The following FBXL17 variants were observed in gnomAD, a reference collection of about 807,000 sequenced individuals.
FBXL17 encodes the protein F-box and leucine rich repeat protein 17.
A neutral mutation model predicts 66.2 loss-of-function variants in FBXL17; 22 were observed. The ratio of observed to expected loss-of-function variants is 0.33; its 90% confidence interval spans 0.24 to 0.47. FBXL17 has a LOEUF of 0.47. Ranked by LOEUF, FBXL17 falls within the 20% of genes least tolerant of loss-of-function variation. The probability of loss-of-function intolerance (pLI) is 1.00; values close to 1 mark genes in which losing one functional copy is unlikely to be tolerated. For missense variants in FBXL17, 878 were observed against 948.2 expected (o/e 0.93, Z 0.97); for synonymous variants, 474 against 400.5 (o/e 1.18, Z -2.19).
chr5:107,862,399 A>G (rs1159986001), intron 8 of FBXL17, among the ~76,000 whole-genome samples: 1 of 152,158 alleles, frequency 6.6e-6, no homozygotes, highest in African/African-American at 2.4e-5. Context: ...TAAAACATAC[A>G]TGGCTGGCAG....
At chr5:108,265,441 A>T (rs1421057555) in intron 4 of FBXL17, among the ~76,000 whole-genome samples, 2 of 152,150 alleles carry the variant, frequency 1.3e-5, no homozygotes, top group East Asian at 3.9e-4. Context: ...ATAATATTAG[A>T]TCTAGACTAT....
intron 7 of FBXL17, among the ~76,000 whole-genome samples, chr5:107,889,532 T>C (rs1030887318): frequency 1.9e-4 from 29 of 152,308 alleles, no homozygotes; most frequent in Admixed American, 6.5e-4. Flanking sequence ...TTTATATAAC[T>C]CTGCTTACTG....
At chr5:108,276,426 T>C (rs879815271) in intron 4 of FBXL17, among the ~76,000 whole-genome samples, 7 of 152,180 alleles carry the variant, frequency 4.6e-5, no homozygotes, top group Admixed American at 6.5e-5. Flanking sequence ...TGATGACTTC[T>C]GTCAACATAG....
chr5:107,869,415 T>C (rs1748380262), intron 8 of FBXL17, among the ~76,000 whole-genome samples: 1 of 152,154 alleles, frequency 6.6e-6, no homozygotes, highest in Non-Finnish European at 1.5e-5. Flanking sequence ...GATGGGCACA[T>C]ATTAAAAAGG....
chr5:107,875,105 CTCT>C (rs1254121407), intron 8 of FBXL17, among the ~76,000 whole-genome samples: 2 of 142,548 alleles, frequency 1.4e-5, no homozygotes, highest in Non-Finnish European at 3.0e-5. Context: ...CTCTCTCTCT[CTCT>C]TTTTTTTTTT....
intron 7 of FBXL17, among the ~76,000 whole-genome samples, chr5:107,967,136 G>A (rs1752173480): frequency 6.6e-6 from 1 of 151,966 alleles, no homozygotes; most frequent in Non-Finnish European, 1.5e-5. Flanking sequence ...TATCATTATT[G>A]GAGTCCTTGT....
intron 6 of FBXL17, among the ~76,000 whole-genome samples, chr5:108,185,548 G>A (rs1276451300): frequency 6.6e-6 from 1 of 152,114 alleles, no homozygotes; most frequent in Non-Finnish European, 1.5e-5. Context: ...GTCTAAGGTA[G>A]TTCTTTATGG....
At chr5:107,923,879 T>C (rs1481076125) in intron 7 of FBXL17, among the ~76,000 whole-genome samples, 4 of 151,976 alleles carry the variant, frequency 2.6e-5, no homozygotes, top group African/African-American at 9.7e-5. Flanking sequence ...AATATGCTAA[T>C]GGAGGGTGTC....
At chr5:108,321,938 A>T (rs1759638717) in intron 4 of FBXL17, among the ~76,000 whole-genome samples, 1 of 151,960 alleles carries the variant, frequency 6.6e-6, no homozygotes, top group Non-Finnish European at 1.5e-5. Context: ...AACGGTTTTT[A>T]AACATACCAT....
chr5:108,011,446 ACT>A (rs766773846), intron 7 of FBXL17, among the ~76,000 whole-genome samples: 1 of 152,306 alleles, frequency 6.6e-6, no homozygotes, highest in Non-Finnish European at 1.5e-5. Flanking sequence ...ACAAAGCCAC[ACT>A]GAAGAGGGAT....
At chr5:107,976,487 T>C (rs1752586106) in intron 7 of FBXL17, among the ~76,000 whole-genome samples, 1 of 151,020 alleles carries the variant, frequency 6.6e-6, no homozygotes, top group African/African-American at 2.4e-5. Context: ...AGATAAGGAG[T>C]CATAAACACA....
intron 3 of FBXL17, among the ~76,000 whole-genome samples, chr5:108,357,680 T>C (rs1423807835): frequency 1.3e-5 from 2 of 151,394 alleles, no homozygotes; most frequent in Non-Finnish European, 3.0e-5. Context: ...TACAGGAAAA[T>C]GACGAAAATA....
At chr5:108,055,565 T>A (rs1465917346) in intron 6 of FBXL17, among the ~76,000 whole-genome samples, 1 of 129,414 alleles carries the variant, frequency 7.7e-6, no homozygotes, top group African/African-American at 2.9e-5. Flanking sequence ...GCCAAGATTG[T>A]GCCACTGCTC....
At chr5:108,243,154 A>G (rs1580679750) in intron 4 of FBXL17, among the ~76,000 whole-genome samples, 1 of 152,196 alleles carries the variant, frequency 6.6e-6, no homozygotes, top group African/African-American at 2.4e-5. Flanking sequence ...GTTATGTGTT[A>G]AAGTATTGTG....
chr5:107,895,591 C>G (rs1749351637), intron 7 of FBXL17, among the ~76,000 whole-genome samples: 1 of 152,172 alleles, frequency 6.6e-6, no homozygotes, highest in Admixed American at 6.5e-5. Context: ...CACTCCTGTT[C>G]TGTTGGTCTC....
chr5:108,321,153 A>C (rs1407850929), intron 4 of FBXL17, among the ~76,000 whole-genome samples: 2 of 151,868 alleles, frequency 1.3e-5, no homozygotes, highest in Non-Finnish European at 2.9e-5. Flanking sequence ...TACTACTATT[A>C]CCTATTATAT....
At chr5:108,112,245 C>T (rs973046858) in intron 6 of FBXL17, among the ~76,000 whole-genome samples, 2 of 152,170 alleles carry the variant, frequency 1.3e-5, no homozygotes, top group African/African-American at 4.8e-5. Flanking sequence ...AAGAAAACTA[C>T]TGAGGCCAGA....
chr5:108,121,998 T>G (rs746094844), intron 6 of FBXL17, among the ~76,000 whole-genome samples: 5 of 152,174 alleles, frequency 3.3e-5, no homozygotes, highest in African/African-American at 7.2e-5. Flanking sequence ...ACTCTAATTC[T>G]AGGCACTAGA....
At chr5:107,940,781 A>G (rs773166451) in intron 7 of FBXL17, among the ~76,000 whole-genome samples, 10 of 152,162 alleles carry the variant, frequency 6.6e-5, no homozygotes, top group Non-Finnish European at 1.2e-4. Context: ...TGCATTTTAA[A>G]AGGCAGGCGT....
Sources: allele counts gnomAD v4.1 joint callset (sites outside exome capture counted in the v4.1 genomes callset), GRCh38; gene constraint gnomAD v4.1.1; transcripts MANE v1.5; gene names NCBI Gene and HGNC (gene_info 2026-07-23, HGNC 2026-07-21).